CEP128: variants seen among roughly 807,000 people sequenced by gnomAD.
The protein encoded by CEP128 is centrosomal protein 128kDa.
Under a neutral mutation model 156.7 loss-of-function variants are expected in CEP128, and 132 were observed. The ratio of observed to expected loss-of-function variants is 0.84; its 90% CI spans 0.73 to 0.97. The LOEUF is 0.97. Ranked by LOEUF, CEP128 falls within the 50% of genes least tolerant of loss-of-function variation. CEP128 has a pLI of 0.00. For missense variants in CEP128, 1,252 were observed against 1,281.9 expected (o/e 0.98, Z 0.36); for synonymous variants, 469 against 448.9 (o/e 1.04, Z -0.57).
chr14:80,588,494 GGTATA>G (rs1409574641), intron 19 of CEP128, among the ~76,000 whole-genome samples: 1 of 151,780 alleles, frequency 6.6e-6, no homozygotes, highest in Non-Finnish European at 1.5e-5. Flanking sequence ...ATAGTTTTAA[GGTATA>G]TATGATATAC....
intron 8 of CEP128, among the ~76,000 whole-genome samples, chr14:80,877,993 G>C (rs1245515144): frequency 1.3e-5 from 2 of 152,032 alleles, no homozygotes; most frequent in Non-Finnish European, 2.9e-5. Context: ...CCAGAGAAGT[G>C]GCACCCCGCA....
At chr14:80,582,304 G>A (rs1891625620) in intron 19 of CEP128, among the ~76,000 whole-genome samples, 1 of 152,088 alleles carries the variant, frequency 6.6e-6, no homozygotes, top group Admixed American at 6.5e-5. Context: ...TTGGTACCCG[G>A]GACTTGCCAA....
intron 15 of CEP128, among the ~76,000 whole-genome samples, chr14:80,782,463 G>A (rs1901177253): frequency 6.6e-6 from 1 of 151,936 alleles, no homozygotes; most frequent in African/African-American, 2.4e-5. Flanking sequence ...TACTTTACAC[G>A]CTCCTAGACT....
intron 19 of CEP128, among the ~76,000 whole-genome samples, chr14:80,647,546 A>C (rs1436300557): frequency 6.6e-6 from 1 of 152,014 alleles, no homozygotes; most frequent in Non-Finnish European, 1.5e-5. Flanking sequence ...CTTGATGTTT[A>C]AATAAGGCAA....
In CEP128 at chr14:80,573,116, G is replaced by T. The variant is rs1196018939; in HGVS notation, c.2856+7258C>A. 2.7e-5 allele frequency among the ~76,000 whole-genome samples: 4 copies of T among 150,590 alleles called. No individual in the cohort carries two copies. In the East Asian group the frequency reaches 7.8e-4, roughly 29 times the overall value. ...TTTTTTTTTTTTTTAGTAGAGACGG[G>T]GTTTCACCATGTTGGTCAGGCTGGT... On this transcript the variant is annotated intron_variant, in intron 20 of 24. Coordinates refer to ENST00000555265, the MANE Select transcript of CEP128 (RefSeq NM_152446.5).
At chr14:80,943,894 T>C (rs1444487890), upstream of CEP128, among the ~76,000 whole-genome samples, 1 of 151,528 alleles carries the variant, frequency 6.6e-6, no homozygotes, top group African/African-American at 2.4e-5. Context: ...TTCGGCAGGC[T>C]GAAGCAGGAG....
intron 19 of CEP128, among the ~76,000 whole-genome samples, chr14:80,585,157 A>G (rs937704304): frequency 1.3e-5 from 2 of 152,240 alleles, no homozygotes; most frequent in Non-Finnish European, 2.9e-5. Context: ...AAGCCATATA[A>G]AAAAGCAGAA....
intron 13 of CEP128, among the ~76,000 whole-genome samples, chr14:80,808,344 G>T (rs913924633): frequency 6.6e-6 from 1 of 152,164 alleles, no homozygotes; most frequent in Non-Finnish European, 1.5e-5. Context: ...ACCTCTGCAT[G>T]ACTCTGCAGT....
At chr14:80,799,552 A>G (rs1280341431) in intron 13 of CEP128, among the ~76,000 whole-genome samples, 2 of 152,186 alleles carry the variant, frequency 1.3e-5, no homozygotes, top group Non-Finnish European at 2.9e-5. Context: ...TCTTGCAGAG[A>G]GCCTATAAAC....
At chr14:80,769,594 T>C (rs1900414961) in intron 16 of CEP128, among the ~76,000 whole-genome samples, 1 of 152,194 alleles carries the variant, frequency 6.6e-6, no homozygotes, top group Admixed American at 6.5e-5. Flanking sequence ...ACTCATCCTT[T>C]TTTACGGCTG....
chr14:80,847,387 T>G (rs1171756665), intron 9 of CEP128, among the ~76,000 whole-genome samples: 1 of 152,190 alleles, frequency 6.6e-6, no homozygotes, highest in African/African-American at 2.4e-5. Context: ...TCTCACAGTC[T>G]TATAGAGAAC....
chr14:80,907,123 G>C (rs1438795202), intron 4 of CEP128, among the ~76,000 whole-genome samples: 2 of 152,196 alleles, frequency 1.3e-5, no homozygotes, highest in Non-Finnish European at 2.9e-5. Context: ...GAAAAGAACA[G>C]ATGAAACAGA....
Position 80,955,683 on chromosome 14 carries a change from G to A in CEP128, c.-172+2495C>T, listed in dbSNP as rs1331241644. ...AATAGCCCCGAGTCCCGTGGAAAATGAGGCCGGCGGACTTGCTGCAGCTGG... is the reference window on the plus strand; with the variant it reads ...AATAGCCCCGAGTCCCGTGGAAAATAAGGCCGGCGGACTTGCTGCAGCTGG... On this transcript the variant is annotated intron_variant, in intron 2 of 7. Coordinates refer to the CEP128 transcript ENST00000555529. 1.2e-6 allele frequency: 2 copies of A among 1,613,986 alleles called. No homozygotes were observed. The highest frequency in any genetic ancestry group is 2.7e-5 in the African/African-American group (2 of 75,054).
chr14:80,852,780 TAGGAAAAGA>T (rs1886958265), intron 9 of CEP128, among the ~76,000 whole-genome samples: 1 of 151,692 alleles, frequency 6.6e-6, no homozygotes, highest in African/African-American at 2.4e-5. Flanking sequence ...AACCACGAAA[TAGGAAAAGA>T]AGGAATCCAT....
chr14:80,524,051 C>T (rs1007809775), intron 23 of CEP128, among the ~76,000 whole-genome samples: 1 of 152,198 alleles, frequency 6.6e-6, no homozygotes, highest in African/African-American at 2.4e-5. Context: ...GACCCATAAG[C>T]AGTTTGCCAA....
At chr14:80,852,510 G>C (rs1478179943) in intron 9 of CEP128, among the ~76,000 whole-genome samples, 1 of 151,766 alleles carries the variant, frequency 6.6e-6, no homozygotes, top group East Asian at 1.9e-4. Flanking sequence ...GAGAAAGAGA[G>C]AGTAACAGAG....
At chr14:80,801,909 C>G (rs7149090) in intron 13 of CEP128, among the ~76,000 whole-genome samples, 1 of 82,070 alleles carries the variant, frequency 1.2e-5, no homozygotes, top group Admixed American at 1.6e-4. Flanking sequence ...CTCTGTCTCC[C>G]CAAAAAAAAA....
intron 19 of CEP128, among the ~76,000 whole-genome samples, chr14:80,729,058 G>GGGTGTGTGTGTGTGT (rs1898141728): frequency 3.8e-5 from 4 of 105,024 alleles, no homozygotes; most frequent in African/African-American, 1.0e-4. Context: ...GGCTGGTGGG[G>GGGTGTGTGTGTGTGT]GTGTGTGTGT....
intron 6 of CEP128, among the ~76,000 whole-genome samples, chr14:80,491,042 C>T (rs572046286): frequency 6.6e-6 from 1 of 152,286 alleles, no homozygotes; most frequent in African/African-American, 2.4e-5. Context: ...CCTTTGTGAA[C>T]CATTGCTTTC....
Sources: allele counts gnomAD v4.1 joint callset (sites outside exome capture counted in the v4.1 genomes callset), GRCh38; gene constraint gnomAD v4.1.1; transcripts MANE v1.5; gene names NCBI Gene and HGNC (gene_info 2026-07-23, HGNC 2026-07-21).